GLRA3: variants seen among roughly 807,000 people sequenced by gnomAD.
GLRA3 encodes glycine receptor alpha 3, also known as glycine receptor subunit alpha-3.
A neutral mutation model predicts 60.4 loss-of-function variants in GLRA3; 44 were observed. The ratio of observed to expected loss-of-function variants is 0.73; its 90% CI spans 0.57 to 0.94. GLRA3 has a LOEUF of 0.94. Ranked by LOEUF, GLRA3 falls within the 40% of genes least tolerant of loss-of-function variation. The pLI is 0.00. For synonymous variants in GLRA3, 223 were observed against 192.9 expected, an observed-to-expected ratio of 1.16 and a Z score of -1.29; for missense variants, 508 against 564.6, an observed-to-expected ratio of 0.90 and a Z score of 1.02.
At chr4:174,795,796 T>TA (rs1276087107) in intron 1 of GLRA3, among the ~76,000 whole-genome samples, 1 of 152,180 alleles carries the variant, frequency 6.6e-6, no homozygotes, top group Non-Finnish European at 1.5e-5. Flanking sequence ...TTCAGTCGAT[T>TA]ACTCTGTGTG....
chr4:174,787,375 A>G (rs1329249022), intron 2 of GLRA3, among the ~76,000 whole-genome samples: 1 of 152,094 alleles, frequency 6.6e-6, no homozygotes, highest in African/African-American at 2.4e-5. Context: ...TTAAATGACA[A>G]CTGCATATTT....
intron 3 of GLRA3, among the ~76,000 whole-genome samples, chr4:174,743,256 A>G (rs1294389795): frequency 6.6e-6 from 1 of 152,192 alleles, no homozygotes; most frequent in Non-Finnish European, 1.5e-5. Flanking sequence ...ATGAAAAAAG[A>G]ATTCAAGATT....
At chr4:174,772,549 G>A (rs567785479) in intron 2 of GLRA3, among the ~76,000 whole-genome samples, 1 of 152,122 alleles carries the variant, frequency 6.6e-6, no homozygotes, top group South Asian at 2.1e-4. Flanking sequence ...TCAAAACTAT[G>A]GTAGACACTT....
intron 3 of GLRA3, among the ~76,000 whole-genome samples, chr4:174,745,000 G>A (rs151197940): frequency 1.0e-3 from 156 of 152,088 alleles, no homozygotes; most frequent in African/African-American, 3.4e-3. Context: ...AGAACTCCCC[G>A]AATAAAATGC....
At chr4:174,787,250 A>G (rs748014482) in intron 2 of GLRA3, among the ~76,000 whole-genome samples, 2 of 152,156 alleles carry the variant, frequency 1.3e-5, no homozygotes, top group Non-Finnish European at 2.9e-5. Context: ...ATTTAAAAAT[A>G]GAATGCATTT....
At position 174,643,711 on chromosome 4, in the gene GLRA3, C is replaced by T; in HGVS notation, c.*75G>A. The T allele has an allele frequency of 6.5e-7, 1 of 1,549,456 alleles. No individual in the cohort carries two copies. Among genetic ancestry groups the T allele is most frequent in the Non-Finnish European group, 8.7e-7 (1 of 1,149,268 alleles). On this transcript the variant is annotated 3_prime_UTR_variant, in exon 10 of 10. Coordinates refer to ENST00000274093, the MANE Select transcript of GLRA3 (RefSeq NM_006529.4). ...TCATCATTTGTATACCACACGCACA[C>T]ATATACACATACACACCTATGGCAG...
At chr4:174,791,979 T>G (rs1360578975) in intron 1 of GLRA3, among the ~76,000 whole-genome samples, 1 of 152,232 alleles carries the variant, frequency 6.6e-6, no homozygotes, top group Non-Finnish European at 1.5e-5. Flanking sequence ...GAACATGGAT[T>G]TTATTAATTT....
intron 1 of GLRA3, among the ~76,000 whole-genome samples, chr4:174,800,177 G>C (rs1196186688): frequency 6.6e-6 from 1 of 151,750 alleles, no homozygotes; most frequent in East Asian, 1.9e-4. Flanking sequence ...ATGGAAAGTT[G>C]ATAAAATGAA....
At chr4:174,822,358 G>A (rs1358774519) in intron 1 of GLRA3, among the ~76,000 whole-genome samples, 1 of 152,070 alleles carries the variant, frequency 6.6e-6, no homozygotes, top group African/African-American at 2.4e-5. Flanking sequence ...CAATTTTTAT[G>A]AACAGGAAGG....
At chr4:174,798,272 C>T (rs1739649513) in intron 1 of GLRA3, among the ~76,000 whole-genome samples, 1 of 152,168 alleles carries the variant, frequency 6.6e-6, no homozygotes, top group South Asian at 2.1e-4. Flanking sequence ...ACTATGTATT[C>T]ACTACCTCCG....
chr4:174,800,268 T>C lies in GLRA3; in HGVS notation c.72-11325A>G, dbSNP rs114657450. Among the ~76,000 whole-genome samples the C allele has an allele frequency of 4.1e-3, 617 of 152,248 alleles. 7 individuals carry two copies. Among genetic ancestry groups the C allele is most frequent in the African/African-American group, 0.014 (588 of 41,572 alleles). ...GAAAAATTATAAGGGCAGTTGATAG[T>C]AAAGTAATTTAAAATTTTTCATAGA... is the stretch of plus-strand genomic sequence containing the variant. On this transcript the variant is annotated intron_variant, in intron 1 of 9. Transcript: ENST00000274093.
At chr4:174,788,679 G>A in intron 2 of GLRA3, 137 bp downstream of exon 2, 1 of 341,710 alleles carries the variant, frequency 2.9e-6, no homozygotes, top group Non-Finnish European at 5.0e-6. Flanking sequence ...TCTTTTTCAA[G>A]ACACCTTGGT....
At chr4:174,818,522 C>T (rs978605835) in intron 1 of GLRA3, among the ~76,000 whole-genome samples, 6 of 152,102 alleles carry the variant, frequency 3.9e-5, no homozygotes, top group African/African-American at 1.2e-4. Context: ...TCAGGAGGCA[C>T]CAGCAAAGGT....
chr4:174,827,060 A>G (rs116422608), intron 1 of GLRA3, among the ~76,000 whole-genome samples: 1,784 of 152,152 alleles, frequency 0.012, 29 homozygotes, highest in African/African-American at 0.041. Flanking sequence ...GATGAAGAAT[A>G]TAAGTTATGA....
At position 174,643,273 on chromosome 4, in the gene GLRA3, T is replaced by A. The variant is rs1006762381; in HGVS notation, c.*513A>T. The A allele has an allele frequency of 1.7e-4, 110 of 645,366 alleles. No individual in the cohort carries two copies. The highest frequency in any genetic ancestry group is 2.1e-4 in the Non-Finnish European group (107 of 521,650). 40.0% of individuals were successfully genotyped at this position (645,366 alleles called of 1,614,324 possible). A position where few individuals can be genotyped will look rare whatever the true frequency, so the allele number is the denominator to read the frequency against. On this transcript the variant is annotated 3_prime_UTR_variant, in exon 10 of 10. Coordinates refer to ENST00000274093, the MANE Select transcript of GLRA3 (RefSeq NM_006529.4). ...AATTTTCAAAATTACATATGTTGTT[T>A]AAATAGTATTTATATGTACAATCCT...
intron 2 of GLRA3, among the ~76,000 whole-genome samples, chr4:174,788,304 G>A (rs990683332): frequency 6.6e-6 from 1 of 151,798 alleles, no homozygotes; most frequent in African/African-American, 2.4e-5. Context: ...TAGAAATTTG[G>A]GTAAAACATT....
intron 1 of GLRA3, among the ~76,000 whole-genome samples, chr4:174,818,396 C>T (rs1430449635): frequency 2.0e-5 from 3 of 152,022 alleles, no homozygotes; most frequent in African/African-American, 7.2e-5. Flanking sequence ...TACATATACC[C>T]ACAGGGAATG....
At chr4:174,683,051 T>C in intron 5 of GLRA3, 112 bp from the exon 6 acceptor site, 1 of 775,228 alleles carries the variant, frequency 1.3e-6, no homozygotes, top group East Asian at 2.5e-5. Flanking sequence ...TGTCATCTTA[T>C]AGTAACTCTG....
intron 7 of GLRA3, among the ~76,000 whole-genome samples, chr4:174,667,125 C>T (rs906305456): frequency 5.3e-5 from 8 of 152,076 alleles, no homozygotes; most frequent in Non-Finnish European, 1.2e-4. Flanking sequence ...GTGGTTCTCA[C>T]ATTTGGTCAT....
Sources: gnomAD v4.1 joint callset for allele counts (sites outside exome capture counted in the v4.1 genomes callset) on GRCh38, gnomAD v4.1.1 for gene constraint, MANE v1.5 for transcripts, NCBI Gene and HGNC (gene_info 2026-07-23, HGNC 2026-07-21) for gene names.